MRPS9: variants seen among roughly 807,000 people sequenced by gnomAD.
MRPS9 encodes mitochondrial ribosomal protein S9.
MRPS9 carries 45 observed loss-of-function variants against 59.9 expected under a neutral mutation model. The ratio of observed to expected loss-of-function variants is 0.75; its 90% CI spans 0.59 to 0.96. The LOEUF (loss-of-function observed/expected upper bound fraction) is 0.96, where lower values mean the gene tolerates loss of function less well. MRPS9 is among the 40% of genes least tolerant of loss of function. The pLI is 0.00. For synonymous variants in MRPS9, 171 were observed against 166.8 expected, an observed-to-expected ratio of 1.03 and a Z score of -0.19; for missense variants, 473 against 481.1, an observed-to-expected ratio of 0.98 and a Z score of 0.16.
intron 2 of MRPS9, among the ~76,000 whole-genome samples, chr2:105,049,778 G>A (rs1679675874): frequency 6.6e-6 from 1 of 152,076 alleles, no homozygotes; most frequent in Non-Finnish European, 1.5e-5. Flanking sequence ...TTGAAAATTA[G>A]GATCAGAATT....
chr2:105,063,224 A>G (rs1679939427), intron 2 of MRPS9, among the ~76,000 whole-genome samples: 1 of 152,250 alleles, frequency 6.6e-6, no homozygotes, highest in Non-Finnish European at 1.5e-5. Context: ...CGCCATGATC[A>G]CATCTGTGAA....
chr2:105,061,376 G>A (rs763359417), intron 2 of MRPS9, among the ~76,000 whole-genome samples: 4 of 152,134 alleles, frequency 2.6e-5, no homozygotes, highest in Non-Finnish European at 5.9e-5. Context: ...GAAGAAAGCT[G>A]GAAAGCTGTT....
Position 105,080,053 on chromosome 2 carries a change from A to G in MRPS9, c.480A>G (p.Ser160=). Residue 160 remains serine (S), a synonymous_variant, in exon 5 of 11, where the codon TCA becomes TCG. Coordinates refer to ENST00000258455, the MANE Select transcript of MRPS9 (RefSeq NM_182640.3). The part of the protein sequence containing the change: ...LFYTGKQSYY[S]LMHDVYGMLL... ...ATACTGGCAAACAGTCATACTATTC[A>G]TTAATGCATGTAAGTATATTGCATT... 1 of 1,601,562 alleles carries G rather than the reference A, an allele frequency of 6.2e-7. No homozygotes were observed. Among genetic ancestry groups the G allele is most frequent in the Admixed American group, 1.7e-5 (1 of 59,396 alleles).
intron 2 of MRPS9, among the ~76,000 whole-genome samples, chr2:105,065,072 G>A (rs1182457993): frequency 3.3e-5 from 5 of 152,314 alleles, no homozygotes; most frequent in Non-Finnish European, 7.3e-5. Context: ...GAGGTCAGGA[G>A]CCATATCTTA....
At chr2:105,098,869 A>G (rs1191698808) in intron 10 of MRPS9, among the ~76,000 whole-genome samples, 1 of 152,188 alleles carries the variant, frequency 6.6e-6, no homozygotes, top group Non-Finnish European at 1.5e-5. Context: ...GAGCTTTCCC[A>G]TCAGTGGTAT....
chr2:105,056,540 G>A (rs1256377122), intron 2 of MRPS9, among the ~76,000 whole-genome samples: 1 of 152,140 alleles, frequency 6.6e-6, no homozygotes, highest in African/African-American at 2.4e-5. Context: ...AACTAAACTC[G>A]TTAAGTGTGT....
intron 9 of MRPS9, among the ~76,000 whole-genome samples, chr2:105,094,928 T>A (rs1680627095): frequency 1.3e-5 from 2 of 152,250 alleles, no homozygotes; most frequent in Non-Finnish European, 1.5e-5. Flanking sequence ...TTCTTTGGTT[T>A]GAATTCAGCA....
intron 1 of MRPS9, among the ~76,000 whole-genome samples, chr2:105,045,778 A>G (rs1017623249): frequency 6.6e-6 from 1 of 152,074 alleles, no homozygotes; most frequent in African/African-American, 2.4e-5. Flanking sequence ...CAGACATTGT[A>G]TGGATATAGA....
chr2:105,098,700 G>T (rs1438528711), intron 10 of MRPS9: 1 of 152,132 alleles, frequency 6.6e-6, no homozygotes, highest in African/African-American at 2.4e-5. Flanking sequence ...AATGTTATGG[G>T]TATATCATAA....
intron 8 of MRPS9, 73 bp downstream of exon 8, chr2:105,092,642 G>T: frequency 8.0e-7 from 1 of 1,247,272 alleles, no homozygotes. Context: ...ATTTGCTATT[G>T]CTTTCTGGTA....
intron 2 of MRPS9, among the ~76,000 whole-genome samples, chr2:105,056,533 T>G (rs2104445240): frequency 6.6e-6 from 1 of 152,326 alleles, no homozygotes; most frequent in Admixed American, 6.5e-5. Flanking sequence ...CTGGCATAAC[T>G]AAACTCGTTA....
rs1158820118 is a variant in MRPS9, at chr2:105,092,571, T to C, written c.820+2T>C. ...GAATGGCCTTTAGCAAAAGTGAAGG[T>C]AATGACATTCTGTGGAGAGAAAATA... On this transcript the variant is annotated splice_donor_variant, in intron 8 of 10. Transcript: ENST00000258455. LOFTEE classifies it high-confidence loss of function. 6.4e-7 allele frequency: 1 copy of C among 1,550,596 alleles called. No individual in the cohort carries two copies. Among genetic ancestry groups the C allele is most frequent in the Non-Finnish European group, 8.7e-7 (1 of 1,149,210 alleles).
chr2:105,049,462 G>C (rs1679669881), intron 2 of MRPS9, 112 bp downstream of exon 2: 2 of 885,742 alleles, frequency 2.3e-6, no homozygotes, highest in South Asian at 3.4e-5. Context: ...GTCAGAATAA[G>C]GAAAAATGCT....
chr2:105,084,225 C>A (rs1285581829), intron 5 of MRPS9, among the ~76,000 whole-genome samples: 4 of 136,972 alleles, frequency 2.9e-5, no homozygotes, highest in African/African-American at 5.5e-5. Flanking sequence ...AGTTACATGG[C>A]CACAGATGAA....
At chr2:105,066,472 T>A (rs1680003210) in intron 2 of MRPS9, among the ~76,000 whole-genome samples, 2 of 152,220 alleles carry the variant, frequency 1.3e-5, no homozygotes, top group Non-Finnish European at 2.9e-5. Context: ...TCTTTTCAGT[T>A]TCCACCAATT....
At chr2:105,043,292 TTAAG>T (rs1170376398) in intron 1 of MRPS9, among the ~76,000 whole-genome samples, 1 of 152,230 alleles carries the variant, frequency 6.6e-6, no homozygotes, top group Non-Finnish European at 1.5e-5. Flanking sequence ...TAAATTTTGT[TTAAG>T]TAAGTGGATT....
intron 3 of MRPS9, 41 bp from the exon 4 acceptor site, chr2:105,071,418 G>A (rs758396143): frequency 3.8e-6 from 6 of 1,584,834 alleles, no homozygotes; most frequent in Non-Finnish European, 5.2e-6. Flanking sequence ...ACTTTTATAT[G>A]TTATGATAAT....
chr2:105,069,424 A>G (rs13415986), intron 2 of MRPS9, among the ~76,000 whole-genome samples: 10,434 of 152,080 alleles, frequency 0.069, 500 homozygotes, highest in East Asian at 0.27. Context: ...CACGTTGGCC[A>G]GTCTGGTCTC....
Position 105,054,072 on chromosome 2 carries a change from C to A in MRPS9, c.315+4722C>A, listed in dbSNP as rs1479834351. On this transcript the variant is annotated intron_variant, in intron 2 of 10. Coordinates refer to ENST00000258455, the MANE Select transcript of MRPS9 (RefSeq NM_182640.3). Reference sequence around the variant, plus strand: ...AATGATCTTGTAGAAAAATACAGGACCTGGGATTTAGAGATTCCTTGTGAT... The same window carrying A: ...AATGATCTTGTAGAAAAATACAGGAACTGGGATTTAGAGATTCCTTGTGAT... Among the ~76,000 whole-genome samples, 4 of 152,122 alleles carry A rather than the reference C, an allele frequency of 2.6e-5. No individual in the cohort carries two copies. The South Asian group carries it at 8.3e-4, about 32-fold the overall frequency.
Sources: gnomAD v4.1 joint callset for allele counts (sites outside exome capture counted in the v4.1 genomes callset) on GRCh38, gnomAD v4.1.1 for gene constraint, MANE v1.5 for transcripts, NCBI Gene and HGNC (gene_info 2026-07-23, HGNC 2026-07-21) for gene names.